Variants in SGCZ observed in about 807,000 individuals in gnomAD.
The protein encoded by SGCZ is zeta-sarcoglycan.
In SGCZ, 40 loss-of-function variants were observed where a neutral mutation model predicts 41.3. That is an observed-to-expected ratio of 0.97 (90% CI 0.75 to 1.26). SGCZ has a LOEUF of 1.26. Ranked by LOEUF, SGCZ falls within the 50% of genes most tolerant of loss-of-function variation. The pLI is 0.00. For missense variants in SGCZ, 552 were observed against 369.8 expected (o/e 1.49, Z -4.04); for synonymous variants, 206 against 137.5 (o/e 1.50, Z -3.49).
At chr8:15,054,090 A>C (rs770389915) in intron 1 of SGCZ, among the ~76,000 whole-genome samples, 1 of 152,256 alleles carries the variant, frequency 6.6e-6, no homozygotes, top group Non-Finnish European at 1.5e-5. Context: ...GACAATAACT[A>C]GGCAAAATGA....
intron 1 of SGCZ, among the ~76,000 whole-genome samples, chr8:14,768,605 A>C (rs1476408029): frequency 6.6e-6 from 1 of 152,192 alleles, no homozygotes; most frequent in Non-Finnish European, 1.5e-5. Flanking sequence ...ATGGGCCTGC[A>C]TCCCTTCCCC....
rs556974349 is a variant in SGCZ at position 14,794,087 on chromosome 8, A to T, written c.40-239161T>A. ...CTGTTCCTCATTAAGAAGCCTACAA[A>T]GATCATCTTCAAGGAAGTTCAAAAA... On this transcript the variant is annotated intron_variant, in intron 1 of 7. Transcript: ENST00000382080. Among the ~76,000 whole-genome samples, 18 of 152,264 alleles carry T rather than the reference A, an allele frequency of 1.2e-4. No homozygotes were observed. The East Asian group carries it at 3.3e-3, about 28-fold the overall frequency.
At chr8:14,473,855 G>C (rs1489837118) in intron 2 of SGCZ, among the ~76,000 whole-genome samples, 1 of 150,916 alleles carries the variant, frequency 6.6e-6, no homozygotes, top group African/African-American at 2.4e-5. Context: ...GGAGAACGGT[G>C]TGAACTCAGG....
At chr8:14,402,650 C>A (rs534505242) in intron 2 of SGCZ, among the ~76,000 whole-genome samples, 20 of 142,756 alleles carry the variant, frequency 1.4e-4, no homozygotes, top group Non-Finnish European at 2.1e-4. Flanking sequence ...TGATCTATAT[C>A]TCTGTTTTGG....
chr8:14,105,978 A>C (rs914642189), intron 6 of SGCZ, among the ~76,000 whole-genome samples: 2 of 151,644 alleles, frequency 1.3e-5, no homozygotes, highest in African/African-American at 4.9e-5. Flanking sequence ...TTATTGAATA[A>C]ATTGGTAAAC....
chr8:14,540,710 AT>A (rs1302734597), intron 2 of SGCZ, among the ~76,000 whole-genome samples: 1 of 151,868 alleles, frequency 6.6e-6, no homozygotes, highest in East Asian at 1.9e-4. Context: ...TTGATTTTAT[AT>A]TGAGGATAGT....
chr8:14,700,359 G>A (rs993218936), intron 1 of SGCZ, among the ~76,000 whole-genome samples: 25 of 151,902 alleles, frequency 1.6e-4, no homozygotes, highest in Non-Finnish European at 3.5e-4. Flanking sequence ...TGATGCAGGA[G>A]CAGAAAATAA....
intron 1 of SGCZ, among the ~76,000 whole-genome samples, chr8:15,086,318 C>T (rs567609752): frequency 6.6e-6 from 1 of 152,302 alleles, no homozygotes; most frequent in East Asian, 1.9e-4. Flanking sequence ...GCTAAAGACA[C>T]ATAAGCTTGG....
At chr8:14,953,264 C>T (rs1181636487) in intron 1 of SGCZ, among the ~76,000 whole-genome samples, 1 of 152,046 alleles carries the variant, frequency 6.6e-6, no homozygotes, top group African/African-American at 2.4e-5. Flanking sequence ...GTACTTCTTC[C>T]CATGGCAGAG....
chr8:14,290,403 T>C (rs1224609010), intron 3 of SGCZ, among the ~76,000 whole-genome samples: 2 of 151,932 alleles, frequency 1.3e-5, no homozygotes, highest in Non-Finnish European at 2.9e-5. Flanking sequence ...AGAGAAAACC[T>C]ACAGAATAGG....
chr8:14,111,370 GACTT>G (rs1417831607), intron 5 of SGCZ, among the ~76,000 whole-genome samples: 4 of 152,092 alleles, frequency 2.6e-5, no homozygotes, highest in Non-Finnish European at 5.9e-5. Flanking sequence ...GGACAGATCT[GACTT>G]ACTTATGCTC....
chr8:14,339,438 T>C (rs1229032201), intron 2 of SGCZ, among the ~76,000 whole-genome samples: 1 of 152,224 alleles, frequency 6.6e-6, no homozygotes, highest in Non-Finnish European at 1.5e-5. Flanking sequence ...AATGGGATAT[T>C]AGGATAAGTT....
chr8:14,946,004 CCATATATA>C (rs1161482635), intron 1 of SGCZ, among the ~76,000 whole-genome samples: 40 of 45,760 alleles, frequency 8.7e-4, no homozygotes, highest in African/African-American at 3.2e-3. Context: ...CTAAATGTCC[CCATATATA>C]TATATATATA....
At chr8:14,349,463 TCTAA>T (rs1328036040) in intron 2 of SGCZ, among the ~76,000 whole-genome samples, 4 of 145,008 alleles carry the variant, frequency 2.8e-5, no homozygotes, top group Admixed American at 1.4e-4. Flanking sequence ...CATGGGATTT[TCTAA>T]CTAATTCTTG....
intron 1 of SGCZ, among the ~76,000 whole-genome samples, chr8:15,216,811 C>G (rs1801418354): frequency 6.6e-6 from 1 of 152,016 alleles, no homozygotes; most frequent in Admixed American, 6.5e-5. Flanking sequence ...GAGAATAAAA[C>G]AGACTAGAAT....
At chr8:14,599,447 G>A (rs1242490041) in intron 1 of SGCZ, among the ~76,000 whole-genome samples, 1 of 152,066 alleles carries the variant, frequency 6.6e-6, no homozygotes, top group Non-Finnish European at 1.5e-5. Flanking sequence ...CACTCTGACT[G>A]GTCTCCCATT....
intron 4 of SGCZ, among the ~76,000 whole-genome samples, chr8:14,210,097 G>T (rs963411330): frequency 6.6e-6 from 1 of 151,982 alleles, no homozygotes. Context: ...TCACTCTGTC[G>T]CCCAGACTGG....
At chr8:14,736,152 T>G (rs1799022897) in intron 1 of SGCZ, among the ~76,000 whole-genome samples, 1 of 152,146 alleles carries the variant, frequency 6.6e-6, no homozygotes, top group Admixed American at 6.6e-5. Flanking sequence ...TGCTTGAACC[T>G]ACTTCATTCC....
chr8:14,090,681 T>C (rs1224836702), intron 7 of SGCZ, 44 bp from the exon 8 acceptor site: 1 of 1,536,056 alleles, frequency 6.5e-7, no homozygotes, highest in Non-Finnish European at 8.9e-7. Context: ...TTTAGAAATG[T>C]AGCATCGAGT....
Sources: gnomAD v4.1 joint callset for allele counts (sites outside exome capture counted in the v4.1 genomes callset) on GRCh38, gnomAD v4.1.1 for gene constraint, MANE v1.5 for transcripts, NCBI Gene and HGNC (gene_info 2026-07-23, HGNC 2026-07-21) for gene names.